GALNT9: variants seen among roughly 807,000 people sequenced by gnomAD.
GALNT9 encodes the protein polypeptide N-acetylgalactosaminyltransferase 9.
Under a neutral mutation model 63.1 loss-of-function variants are expected in GALNT9, and 47 were observed. The observed-to-expected ratio is 0.75, with a 90% CI of 0.59 to 0.95. The LOEUF is 0.95. Among genes scored for constraint, GALNT9 ranks in the 40% least tolerant of loss-of-function variants. The pLI, the probability that GALNT9 is intolerant of heterozygous loss-of-function variation, is 0.00. For synonymous variants in GALNT9, 396 were observed against 365.7 expected (o/e 1.08, Z -0.94); for missense variants, 829 against 874.8 (o/e 0.95, Z 0.66).
chr12:132,290,365 G>A (rs1233663996), intron 1 of GALNT9, among the ~76,000 whole-genome samples: 3 of 152,146 alleles, frequency 2.0e-5, no homozygotes, highest in Non-Finnish European at 2.9e-5. Flanking sequence ...CCACCCCTGC[G>A]GCACCATGGG....
intron 7 of GALNT9, among the ~76,000 whole-genome samples, chr12:132,202,958 G>T (rs543836463): frequency 1.3e-5 from 2 of 152,040 alleles, no homozygotes; most frequent in South Asian, 4.2e-4. Context: ...AACCAAAAAC[G>T]TCCATCCACG....
chr12:132,289,294 C>T (rs782699825), intron 1 of GALNT9, among the ~76,000 whole-genome samples: 9 of 152,204 alleles, frequency 5.9e-5, no homozygotes, highest in African/African-American at 9.7e-5. Flanking sequence ...TTCATCTCAT[C>T]GGCTTGATCT....
At chr12:132,202,645 G>A (rs956724070) in intron 7 of GALNT9, among the ~76,000 whole-genome samples, 25 of 151,110 alleles carry the variant, frequency 1.7e-4, no homozygotes, top group African/African-American at 5.7e-4. Flanking sequence ...CATGACTTAA[G>A]ATCTGGCTCA....
chr12:132,272,142 C>T lies in GALNT9; in HGVS notation c.420-9517G>A, dbSNP rs542888519. 5.9e-5 allele frequency among the ~76,000 whole-genome samples: 9 copies of T among 152,304 alleles called. No individual in the cohort carries two copies. The South Asian group carries it at 6.2e-4, about 11-fold the overall frequency. On this transcript the variant is annotated intron_variant, in intron 2 of 10. Transcript: ENST00000328957. ...GGGACGCACCGTGGGGACAGATGCA[C>T]GGCGGGGACCCCTCTGTGGGCCACG...
At position 132,296,843 on chromosome 12, in the gene GALNT9, C is replaced by T. The variant is rs868962278; in HGVS notation, c.239-10413G>A. On this transcript the variant is annotated intron_variant, in intron 1 of 10. Transcript: ENST00000328957. This position sits in a 1 kb window ranked among gnomAD's most constrained non-coding sequence, Gnocchi z 4.2. ...GAGCACACACGCATTGGGGGCTGGG[C>T]GGGGGGAGGGTGGAACTCTTCCTTC... Among the ~76,000 whole-genome samples, 2 of 140,816 alleles carry T rather than the reference C, an allele frequency of 1.4e-5. No individual in the cohort carries two copies. Among genetic ancestry groups the T allele is most frequent in the South Asian group, 4.9e-4 (2 of 4,052 alleles). 92.4% of individuals were successfully genotyped at this position (140,816 alleles called of 152,430 possible).
At chr12:132,268,028 T>C (rs188326977) in intron 2 of GALNT9, among the ~76,000 whole-genome samples, 3,405 of 137,378 alleles carry the variant, frequency 0.025, 131 homozygotes, top group African/African-American at 0.09. Context: ...CGAACACACA[T>C]GAACACACAT....
At position 132,196,562 on chromosome 12, in the gene GALNT9, C is replaced by CAG; in HGVS notation, c.*544_*545insCT. 1 of 986,666 alleles carries CAG rather than the reference C, an allele frequency of 1.0e-6. No homozygotes were observed. The highest frequency in any genetic ancestry group is 1.2e-6 in the Non-Finnish European group (1 of 830,830). 61.1% of individuals were successfully genotyped at this position (986,666 alleles called of 1,614,324 possible). ...CTGCTGAAGCAGTCGTGCCAGCCTCCTAGACACGGCCTCAGGTTTGTCGCT... is the reference window on the plus strand; with the variant it reads ...CTGCTGAAGCAGTCGTGCCAGCCTCCAGTAGACACGGCCTCAGGTTTGTCGCT... On this transcript the variant is annotated 3_prime_UTR_variant, in exon 11 of 11. Coordinates refer to ENST00000328957, the MANE Select transcript of GALNT9 (RefSeq NM_001122636.2).
At chr12:132,228,668 A>AG (rs1877791499) in intron 6 of GALNT9, among the ~76,000 whole-genome samples, 2 of 152,174 alleles carry the variant, frequency 1.3e-5, no homozygotes, top group African/African-American at 4.8e-5. Flanking sequence ...AGGGTCCAGG[A>AG]GGTGCCTTCC....
chr12:132,289,604 G>GC (rs530118180), intron 1 of GALNT9, among the ~76,000 whole-genome samples: 3 of 152,214 alleles, frequency 2.0e-5, no homozygotes, highest in Non-Finnish European at 2.9e-5. Context: ...CCCGTCACTT[G>GC]CATGGGGGTT....
chr12:132,230,648 A>C (rs1213735477), intron 6 of GALNT9, among the ~76,000 whole-genome samples: 3 of 152,134 alleles, frequency 2.0e-5, no homozygotes, highest in Admixed American at 6.5e-5. Context: ...CCCGGGCAGG[A>C]CCCCTTCCCC....
chr12:132,309,116 C>T (rs1458368193), intron 1 of GALNT9, among the ~76,000 whole-genome samples: 6 of 152,250 alleles, frequency 3.9e-5, no homozygotes, highest in African/African-American at 1.4e-4. Context: ...GGGCTGCAGG[C>T]GTGTCTGTCC....
chr12:132,274,512 C>T (rs1555241035), intron 2 of GALNT9: 3 of 152,464 alleles, frequency 2.0e-5, no homozygotes, highest in Admixed American at 2.0e-4. Context: ...GCTCCTGGGG[C>T]AGGGGTTCTG....
chr12:132,256,971 G>A (rs1251071344), intron 5 of GALNT9, among the ~76,000 whole-genome samples: 1 of 152,158 alleles, frequency 6.6e-6, no homozygotes, highest in Non-Finnish European at 1.5e-5. Flanking sequence ...TTCATGTCGC[G>A]CCCTGTCCTT....
At chr12:132,326,339 G>T (rs1320083877) in intron 1 of GALNT9, among the ~76,000 whole-genome samples, 2 of 152,252 alleles carry the variant, frequency 1.3e-5, no homozygotes, top group Non-Finnish European at 2.9e-5. Context: ...CTTGCCTTGA[G>T]CGCTGAACTT....
rs1327375730 is a variant in GALNT9 at position 132,286,308 on chromosome 12, C to T, written c.361G>A (p.Ala121Thr). Residue 121 changes from alanine (A) to threonine (T), a missense_variant, in exon 2 of 11, where the codon GCT (alanine) becomes ACT (threonine). Ala to Thr is a moderately conservative substitution (Grantham distance 58). Coordinates refer to ENST00000328957, the MANE Select transcript of GALNT9 (RefSeq NM_001122636.2). This position sits in a 1 kb window ranked among gnomAD's most constrained non-coding sequence, Gnocchi z 7.4. ...EGKYEEYGYN[A>T]QLSDRISLDR... ...AGGGAGATGCGGTCGCTGAGCTGAGCGTTGTAGCCGTACTCCTCATACTTG... is the reference window on the plus strand; with the variant it reads ...AGGGAGATGCGGTCGCTGAGCTGAGTGTTGTAGCCGTACTCCTCATACTTG... The T allele has an allele frequency of 2.9e-5, 45 of 1,551,104 alleles. No individual in the cohort carries two copies. Among genetic ancestry groups the T allele is most frequent in the Non-Finnish European group, 3.7e-5 (42 of 1,146,914 alleles).
In GALNT9 at chr12:132,245,520, G is replaced by A. The variant is rs971090281; in HGVS notation, c.1077+2390C>T. The stretch of plus-strand genomic sequence containing the variant: ...CTGCAGCCAGGGCCCTCTGTGGTCC[G>A]GCACCCACACCCCCAGCCCAGCCTG... On this transcript the variant is annotated intron_variant, in intron 6 of 10. Coordinates refer to ENST00000328957, the MANE Select transcript of GALNT9 (RefSeq NM_001122636.2). This position sits in a 1 kb window ranked among gnomAD's most constrained non-coding sequence, Gnocchi z 6.3. Among the ~76,000 whole-genome samples, 1 of 150,540 alleles carries A rather than the reference G, an allele frequency of 6.6e-6. No homozygotes were observed. Among genetic ancestry groups the A allele is most frequent in the Non-Finnish European group, 1.5e-5 (1 of 67,762 alleles).
At chr12:132,288,517 C>T (rs568106445) in intron 1 of GALNT9, among the ~76,000 whole-genome samples, 1 of 152,166 alleles carries the variant, frequency 6.6e-6, no homozygotes, top group South Asian at 2.1e-4. Context: ...GCTTCTAACT[C>T]GAGAGAGAGA....
intron 6 of GALNT9, among the ~76,000 whole-genome samples, chr12:132,239,575 GACAGAGAC>G (rs1878157710): frequency 6.6e-6 from 1 of 151,424 alleles, no homozygotes; most frequent in Non-Finnish European, 1.5e-5. Flanking sequence ...GAGACACAGA[GACAGAGAC>G]ACAGAGAGAC....
chr12:132,328,894 G>C (rs541463631), intron 1 of GALNT9, 72 bp downstream of exon 1: 1 of 1,417,174 alleles, frequency 7.1e-7, no homozygotes, highest in Admixed American at 2.8e-5. Context: ...AGGCCGGCCT[G>C]ACCCATCGCG....
Sources: allele counts gnomAD v4.1 joint callset (sites outside exome capture counted in the v4.1 genomes callset), GRCh38; gene constraint gnomAD v4.1.1; non-coding constraint Gnocchi (gnomAD v3.1); transcripts MANE v1.5; gene names NCBI Gene and HGNC (gene_info 2026-07-23, HGNC 2026-07-21).